GABRG3: variants seen among roughly 807,000 people sequenced by gnomAD.
The protein encoded by GABRG3 is gamma-aminobutyric acid type A receptor subunit gamma3.
Under a neutral mutation model 48.8 loss-of-function variants are expected in GABRG3, and 25 were observed. The observed-to-expected ratio is 0.51, with a 90% CI of 0.37 to 0.72. The LOEUF (loss-of-function observed/expected upper bound fraction) is 0.72. GABRG3 is among the 30% of genes least tolerant of loss of function. GABRG3 has a pLI of 0.00. For missense variants in GABRG3, 394 were observed against 577.9 expected (o/e 0.68, Z 3.26); for synonymous variants, 227 against 217.6 (o/e 1.04, Z -0.38).
chr15:27,368,950 A>C (rs1895304277), intron 5 of GABRG3, among the ~76,000 whole-genome samples: 1 of 152,188 alleles, frequency 6.6e-6, no homozygotes, highest in South Asian at 2.1e-4. Flanking sequence ...ACAGATAGTC[A>C]AGGGCCAGGT....
chr15:26,982,103 A>G (rs1895066154), intron 2 of GABRG3, among the ~76,000 whole-genome samples: 1 of 152,224 alleles, frequency 6.6e-6, no homozygotes, highest in Non-Finnish European at 1.5e-5. Flanking sequence ...GCACAAGTTC[A>G]CAAATTCAAT....
intron 3 of GABRG3, among the ~76,000 whole-genome samples, chr15:27,062,171 T>C (rs1202122894): frequency 6.6e-6 from 1 of 152,088 alleles, no homozygotes; most frequent in Non-Finnish European, 1.5e-5. Flanking sequence ...CTATTGGCTG[T>C]GCAAACGGGG....
At chr15:27,059,342 C>G (rs571868954) in intron 3 of GABRG3, among the ~76,000 whole-genome samples, 1 of 152,346 alleles carries the variant, frequency 6.6e-6, no homozygotes, top group Admixed American at 6.5e-5. Context: ...ATGCTCCCAC[C>G]TGCAGCCCTT....
At chr15:27,188,969 A>G (rs1888198714) in intron 3 of GABRG3, among the ~76,000 whole-genome samples, 1 of 152,038 alleles carries the variant, frequency 6.6e-6, no homozygotes, top group Non-Finnish European at 1.5e-5. Context: ...TCCCAGCACC[A>G]TTTATTGAAT....
chr15:27,263,798 C>T (rs1232438443), intron 3 of GABRG3, among the ~76,000 whole-genome samples: 2 of 151,972 alleles, frequency 1.3e-5, no homozygotes, highest in African/African-American at 2.4e-5. Context: ...AGTGGTAAAA[C>T]GCCTGTAGTC....
intron 3 of GABRG3, among the ~76,000 whole-genome samples, chr15:27,278,822 A>G (rs1183476131): frequency 6.6e-6 from 1 of 152,158 alleles, no homozygotes; most frequent in Non-Finnish European, 1.5e-5. Context: ...TCTGTGTAAT[A>G]TGGTAAGCGT....
At chr15:27,188,105 A>G (rs1466556786) in intron 3 of GABRG3, among the ~76,000 whole-genome samples, 2 of 152,058 alleles carry the variant, frequency 1.3e-5, no homozygotes, top group Admixed American at 1.3e-4. Context: ...TATGTGCCAC[A>G]TTTTCTTAAT....
intron 3 of GABRG3, among the ~76,000 whole-genome samples, chr15:27,175,803 T>A (rs1887726277): frequency 6.6e-6 from 1 of 152,204 alleles, no homozygotes; most frequent in Admixed American, 6.5e-5. Flanking sequence ...ATTTAGTTGT[T>A]GCTTTAAACA....
intron 3 of GABRG3, among the ~76,000 whole-genome samples, chr15:27,258,834 C>T (rs896087172): frequency 6.6e-6 from 1 of 152,130 alleles, no homozygotes; most frequent in African/African-American, 2.4e-5. Flanking sequence ...CTGCGGAACA[C>T]TGGAACTCAT....
chr15:27,306,553 A>G (rs1174630412), intron 3 of GABRG3, among the ~76,000 whole-genome samples: 2 of 45,204 alleles, frequency 4.4e-5, no homozygotes, highest in East Asian at 5.6e-4. Context: ...ATATAAACAT[A>G]TATAATATAA....
intron 2 of GABRG3, among the ~76,000 whole-genome samples, chr15:26,992,148 T>C (rs1678481735): frequency 6.6e-6 from 1 of 152,246 alleles, no homozygotes; most frequent in African/African-American, 2.4e-5. Context: ...TTTAGTTTCT[T>C]CCAAATATAA....
In GABRG3 at chr15:27,206,671, T is replaced by C. The variant is rs371388306; in HGVS notation, c.271-120138T>C. 2.6e-5 allele frequency among the ~76,000 whole-genome samples: 4 copies of C among 152,302 alleles called. 1 individual carries two copies. The highest frequency in any genetic ancestry group is 9.6e-5 in the African/African-American group (4 of 41,562). ...GGGGTTGAATTATTTCACTATTATT[T>C]TGTGTGGTTATCTAAGTGATTTTAT... is the stretch of plus-strand genomic sequence containing the variant. On this transcript the variant is annotated intron_variant, in intron 3 of 9. Coordinates refer to ENST00000615808, the MANE Select transcript of GABRG3 (RefSeq NM_033223.5).
At chr15:27,434,310 A>C (rs994837594) in intron 5 of GABRG3, among the ~76,000 whole-genome samples, 4 of 152,188 alleles carry the variant, frequency 2.6e-5, no homozygotes, top group Non-Finnish European at 5.9e-5. Context: ...TTGTCAAATA[A>C]AATTCTAAAA....
intron 3 of GABRG3, among the ~76,000 whole-genome samples, chr15:27,134,783 G>A (rs922721466): frequency 6.6e-6 from 1 of 152,186 alleles, no homozygotes; most frequent in Non-Finnish European, 1.5e-5. Flanking sequence ...TGGCATTGTG[G>A]AATTGAATAC....
chr15:27,113,857 A>T (rs929989208), intron 3 of GABRG3, among the ~76,000 whole-genome samples: 1 of 152,234 alleles, frequency 6.6e-6, no homozygotes, highest in Non-Finnish European at 1.5e-5. Flanking sequence ...TGTAATTCGT[A>T]GAGGAAAAGG....
intron 3 of GABRG3, among the ~76,000 whole-genome samples, chr15:27,142,018 G>A (rs1202321621): frequency 1.3e-5 from 2 of 152,012 alleles, no homozygotes; most frequent in Admixed American, 6.6e-5. Flanking sequence ...GAAAAGAATT[G>A]AGTGGAAAAG....
intron 3 of GABRG3, among the ~76,000 whole-genome samples, chr15:27,048,145 AG>A (rs1303649002): frequency 6.6e-6 from 1 of 152,074 alleles, no homozygotes; most frequent in Non-Finnish European, 1.5e-5. Flanking sequence ...GGGTGAGTAC[AG>A]GGGCCCCATA....
chr15:27,010,446 C>A (rs756966333), intron 2 of GABRG3, among the ~76,000 whole-genome samples: 1 of 152,190 alleles, frequency 6.6e-6, no homozygotes, highest in Non-Finnish European at 1.5e-5. Flanking sequence ...ACTGAGATAG[C>A]TTCACTGTGG....
At chr15:27,393,561 C>T (rs1273714354) in intron 5 of GABRG3, among the ~76,000 whole-genome samples, 1 of 152,106 alleles carries the variant, frequency 6.6e-6, no homozygotes, top group Non-Finnish European at 1.5e-5. Context: ...TAATCAGTTA[C>T]ATCATGGATC....
Sources: allele counts gnomAD v4.1 joint callset (sites outside exome capture counted in the v4.1 genomes callset), GRCh38; gene constraint gnomAD v4.1.1; transcripts MANE v1.5; gene names NCBI Gene and HGNC (gene_info 2026-07-23, HGNC 2026-07-21).